The following MICALL1 variants were observed in gnomAD, a reference collection of about 807,000 sequenced individuals.
MICALL1 encodes the protein MICAL-like protein 1.
A neutral mutation model predicts 83.7 loss-of-function variants in MICALL1; 61 were observed. The observed-to-expected ratio is 0.73, with a 90% confidence interval of 0.59 to 0.90. The LOEUF (loss-of-function observed/expected upper bound fraction) is 0.90. Ranked by LOEUF, MICALL1 falls within the 40% of genes least tolerant of loss-of-function variation. MICALL1 has a pLI of 0.00. For synonymous variants in MICALL1, 481 were observed against 473.6 expected (o/e 1.02, Z -0.20); for missense variants, 1,066 against 1,152.0 (o/e 0.93, Z 1.08).
At chr22:37,911,634 G>C (rs1466208331) in intron 1 of MICALL1, among the ~76,000 whole-genome samples, 1 of 152,200 alleles carries the variant, frequency 6.6e-6, no homozygotes, top group Non-Finnish European at 1.5e-5. Context: ...TTCCTGCAGA[G>C]AGGCAAAGGA....
chr22:37,934,759 G>C (rs1287739426), intron 13 of MICALL1, among the ~76,000 whole-genome samples: 1 of 150,954 alleles, frequency 6.6e-6, no homozygotes, highest in Non-Finnish European at 1.5e-5. Flanking sequence ...ACCACGCCCG[G>C]CTAATTTTTT....
chr22:37,924,792 A>G lies in MICALL1; in HGVS notation c.1082+75A>G. 1 of 1,479,160 alleles carries G rather than the reference A, an allele frequency of 6.8e-7. No homozygotes were observed. The highest frequency in any genetic ancestry group is 1.2e-5 in the South Asian group (1 of 84,644). The allele number at this position is 1,479,160 out of a possible 1,614,324, so 91.6% of individuals were successfully genotyped here. ...GAATCAGGGTACTCTGGGGCCGGGT[A>G]GGGAGAGAGGCTTCCTGTGGATGGG... On this transcript the variant is annotated intron_variant, in intron 7 of 15. Coordinates refer to ENST00000215957, the MANE Select transcript of MICALL1 (RefSeq NM_033386.4). The surrounding 1 kb of genome is among the most constrained non-coding windows in gnomAD (Gnocchi z 5.2).
chr22:37,934,178 T>G (rs934921290), intron 13 of MICALL1, among the ~76,000 whole-genome samples: 1 of 152,204 alleles, frequency 6.6e-6, no homozygotes, highest in Non-Finnish European at 1.5e-5. Flanking sequence ...GTGTGGTGGC[T>G]GTGCGTCCCG....
At chr22:37,917,568 G>A in intron 3 of MICALL1, 139 bp from the exon 4 acceptor site, 1 of 715,920 alleles carries the variant, frequency 1.4e-6, no homozygotes, top group Non-Finnish European at 2.4e-6. Flanking sequence ...TGTGAAGCGG[G>A]AGCCAGCTCC....
intron 13 of MICALL1, among the ~76,000 whole-genome samples, chr22:37,934,340 G>T (rs570400726): frequency 3.3e-5 from 5 of 152,324 alleles, no homozygotes; most frequent in African/African-American, 1.2e-4. Context: ...ACTGGTCAAA[G>T]ATTTCATGTC....
intron 5 of MICALL1, among the ~76,000 whole-genome samples, chr22:37,920,557 G>A (rs1202705422): frequency 4.0e-5 from 6 of 151,096 alleles, no homozygotes; most frequent in African/African-American, 7.3e-5. Flanking sequence ...CTGGAGGATC[G>A]CTTGAGGCCC....
At chr22:37,913,523 G>T (rs1928473680) in intron 3 of MICALL1, among the ~76,000 whole-genome samples, 1 of 152,218 alleles carries the variant, frequency 6.6e-6, no homozygotes, top group Non-Finnish European at 1.5e-5. Context: ...TGTCTGGTGA[G>T]GCTGCTGTGC....
chr22:37,915,503 C>T (rs1928619962), intron 3 of MICALL1, among the ~76,000 whole-genome samples: 1 of 152,086 alleles, frequency 6.6e-6, no homozygotes, highest in South Asian at 2.1e-4. Flanking sequence ...CTTTGGGTGA[C>T]CATGGGTCAG....
intron 15 of MICALL1, among the ~76,000 whole-genome samples, chr22:37,938,485 A>C (rs908758935): frequency 7.4e-6 from 1 of 135,728 alleles, no homozygotes; most frequent in African/African-American, 2.8e-5. Flanking sequence ...ACAGAGTCCC[A>C]CTCTGTTGTT....
chr22:37,922,279 C>A lies in MICALL1; in HGVS notation c.877C>A (p.Leu293Met). The change falls in exon 6 of 16, where the codon CTG becomes ATG. Residue 293 changes from leucine (L) to methionine (M), a missense_variant. Coordinates refer to ENST00000215957, the MANE Select transcript of MICALL1 (RefSeq NM_033386.4). ...CCGGGTTCCTGGCAAACTACAGGAGCTGGCCAGCCCCCCTGCGGGCCGCCC... is the reference window on the plus strand; with the variant it reads ...CCGGGTTCCTGGCAAACTACAGGAGATGGCCAGCCCCCCTGCGGGCCGCCC... The part of the protein sequence containing the change: ...KPRVPGKLQE[L>M]ASPPAGRPTP... 2 of 1,569,656 alleles carry A rather than the reference C, an allele frequency of 1.3e-6. No individual in the cohort carries two copies. Among genetic ancestry groups the A allele is most frequent in the African/African-American group, 2.7e-5 (2 of 74,038 alleles).
chr22:37,939,170 T>G (rs1252980631), intron 15 of MICALL1, among the ~76,000 whole-genome samples: 2 of 152,186 alleles, frequency 1.3e-5, no homozygotes, highest in African/African-American at 2.4e-5. Context: ...CTGGCACTTA[T>G]GAGCTGGGTG....
intron 8 of MICALL1, 76 bp downstream of exon 8, chr22:37,926,119 G>A: frequency 1.4e-6 from 2 of 1,474,302 alleles, no homozygotes; most frequent in Non-Finnish European, 1.8e-6. Context: ...GGGGTGTGGT[G>A]GGGCAGAGCC....
chr22:37,931,203 G>A (rs2145936593), intron 9 of MICALL1, among the ~76,000 whole-genome samples: 1 of 152,316 alleles, frequency 6.6e-6, no homozygotes, highest in Non-Finnish European at 1.5e-5. Flanking sequence ...AGTTTACTCA[G>A]CTGTGAAATG....
In MICALL1 at chr22:37,922,169, G is replaced by A. The variant is rs187395489; in HGVS notation, c.767G>A (p.Gly256Asp). The A allele has an allele frequency of 3.5e-4, 558 of 1,613,006 alleles. 1 individual carries two copies. The highest frequency in any genetic ancestry group is 1.7e-4 in the Non-Finnish European group (201 of 1,179,958). The stretch of plus-strand genomic sequence containing the variant: ...GATGCCAAGGATGTTCCAGGAGGCG[G>A]CCCCAGCTCCAGTGCTCCTGCAGGG... ...AEDAKDVPGG[G>D]PSSSAPAGAE... The change falls in exon 6 of 16, where the codon GGC (glycine) becomes GAC (aspartate). Residue 256 changes from glycine to aspartate, a missense_variant. Transcript: ENST00000215957.
intron 5 of MICALL1, 86 bp downstream of exon 5, chr22:37,919,264 C>T: frequency 7.3e-7 from 1 of 1,375,596 alleles, no homozygotes; most frequent in Non-Finnish European, 9.5e-7. Flanking sequence ...AGGCACCTTG[C>T]CAGGCCCTTC....
At chr22:37,911,100 A>T (rs1170777261) in intron 1 of MICALL1, among the ~76,000 whole-genome samples, 2 of 151,722 alleles carry the variant, frequency 1.3e-5, no homozygotes, top group Non-Finnish European at 2.9e-5. Flanking sequence ...GAGGGGGATA[A>T]ATAAAGCCTG....
chr22:37,917,889 G>A, intron 4 of MICALL1, 94 bp downstream of exon 4: 1 of 1,132,370 alleles, frequency 8.8e-7, no homozygotes, highest in Non-Finnish European at 1.3e-6. Flanking sequence ...ATGTGAGGAA[G>A]TTAGCCCTGA....
At chr22:37,908,800 A>G (rs1275050626) in intron 1 of MICALL1, among the ~76,000 whole-genome samples, 1 of 151,848 alleles carries the variant, frequency 6.6e-6, no homozygotes, top group African/African-American at 2.4e-5. Flanking sequence ...GGGGTGGGAG[A>G]CCTCCTAGGG....
chr22:37,927,888 C>G, intron 9 of MICALL1, 62 bp downstream of exon 9: 1 of 1,500,754 alleles, frequency 6.7e-7, no homozygotes, highest in Non-Finnish European at 8.9e-7. Flanking sequence ...GGTCTGGTCT[C>G]AGGGCAGAAA....
Sources: allele counts gnomAD v4.1 joint callset (sites outside exome capture counted in the v4.1 genomes callset), GRCh38; gene constraint gnomAD v4.1.1; non-coding constraint Gnocchi (gnomAD v3.1); transcripts MANE v1.5; gene names NCBI Gene and HGNC (gene_info 2026-07-23, HGNC 2026-07-21).